KCNQ5: variants seen among roughly 807,000 people sequenced by gnomAD.
KCNQ5 encodes the protein potassium voltage-gated channel subfamily KQT member 5.
Under a neutral mutation model 98.2 loss-of-function variants are expected in KCNQ5, and 30 were observed. The ratio of observed to expected loss-of-function variants is 0.31; its 90% CI spans 0.23 to 0.41. The LOEUF (loss-of-function observed/expected upper bound fraction) is 0.41. Ranked by LOEUF, KCNQ5 falls within the 10% of genes least tolerant of loss-of-function variation. The pLI is 1.00. For synonymous variants in KCNQ5, 458 were observed against 449.4 expected (o/e 1.02, Z -0.24); for missense variants, 835 against 1,182.5 (o/e 0.71, Z 4.31).
intron 1 of KCNQ5, among the ~76,000 whole-genome samples, chr6:72,765,881 G>T (rs1358872180): frequency 6.6e-6 from 1 of 152,024 alleles, no homozygotes; most frequent in Admixed American, 6.6e-5. Context: ...AAGAGACCTA[G>T]TGGCTTCAAC....
intron 2 of KCNQ5, among the ~76,000 whole-genome samples, chr6:73,026,049 T>TAA (rs1740184485): frequency 6.6e-6 from 1 of 152,210 alleles, no homozygotes; most frequent in Non-Finnish European, 1.5e-5. Context: ...TAGACACACT[T>TAA]ATGAGTCTTG....
intron 10 of KCNQ5, among the ~76,000 whole-genome samples, chr6:73,164,202 G>C (rs1361054398): frequency 1.3e-5 from 2 of 152,022 alleles, no homozygotes; most frequent in Non-Finnish European, 2.9e-5. Context: ...CAATTTCCAA[G>C]AACCTACCGA....
intron 10 of KCNQ5, among the ~76,000 whole-genome samples, chr6:73,168,711 C>T (rs558704342): frequency 7.1e-6 from 1 of 141,262 alleles, no homozygotes; most frequent in Non-Finnish European, 1.5e-5. Flanking sequence ...GACTTTTTCT[C>T]AAAAAAAAAA....
At chr6:72,632,144 T>TC (rs1250255682) in intron 1 of KCNQ5, among the ~76,000 whole-genome samples, 1 of 148,536 alleles carries the variant, frequency 6.7e-6, no homozygotes, top group African/African-American at 2.5e-5. Context: ...CTTTCTTTTT[T>TC]TTTTTTTTTT....
intron 1 of KCNQ5, among the ~76,000 whole-genome samples, chr6:72,652,807 T>A (rs1326502166): frequency 2.0e-5 from 3 of 152,066 alleles, no homozygotes; most frequent in Admixed American, 6.6e-5. Flanking sequence ...TGAGTTCAAT[T>A]CAGCCTCACA....
chr6:72,876,635 A>G (rs976421544), intron 1 of KCNQ5, among the ~76,000 whole-genome samples: 1 of 152,226 alleles, frequency 6.6e-6, no homozygotes, highest in African/African-American at 2.4e-5. Context: ...ACAAGTTAAA[A>G]TTAACAAAAA....
At chr6:73,152,820 T>A (rs770383379) in intron 10 of KCNQ5, among the ~76,000 whole-genome samples, 18 of 152,168 alleles carry the variant, frequency 1.2e-4, no homozygotes, top group Non-Finnish European at 2.5e-4. Flanking sequence ...CTGATCAGAT[T>A]CCCCAGAGAG....
chr6:72,865,451 G>A (rs539763215), intron 1 of KCNQ5, among the ~76,000 whole-genome samples: 9 of 152,068 alleles, frequency 5.9e-5, no homozygotes, highest in Middle Eastern at 3.4e-3. Context: ...ACAGAATATC[G>A]AACCTATCTC....
chr6:73,059,672 A>G (rs1213725082), intron 3 of KCNQ5, among the ~76,000 whole-genome samples: 2 of 152,098 alleles, frequency 1.3e-5, no homozygotes, highest in African/African-American at 4.8e-5. Context: ...CATAGAAATC[A>G]TGTTTCTGCT....
In KCNQ5 at chr6:73,068,037, T is replaced by C. The variant is rs548007935; in HGVS notation, c.617-9285T>C. Among the ~76,000 whole-genome samples the C allele has an allele frequency of 1.2e-4, 19 of 152,322 alleles. No individual in the cohort carries two copies. The East Asian group carries it at 3.5e-3, about 28-fold the overall frequency. ...CTGGCCAGGTGCAATGACTCACACC[T>C]GTAATCCCAGCACTTTGGGAGGCCA... On this transcript the variant is annotated intron_variant, in intron 3 of 13. Coordinates refer to ENST00000370398, the MANE Select transcript of KCNQ5 (RefSeq NM_019842.4).
At chr6:72,721,458 T>C (rs931527657) in intron 1 of KCNQ5, among the ~76,000 whole-genome samples, 1 of 151,642 alleles carries the variant, frequency 6.6e-6, no homozygotes, top group Non-Finnish European at 1.5e-5. Context: ...GGGGAAAGAG[T>C]GAATGTAGAT....
intron 1 of KCNQ5, among the ~76,000 whole-genome samples, chr6:72,938,414 C>G (rs1285185803): frequency 6.6e-6 from 1 of 152,170 alleles, no homozygotes; most frequent in Non-Finnish European, 1.5e-5. Context: ...GAGTCTCGCT[C>G]TGTCACCCAG....
At chr6:72,788,013 T>TA (rs747344650) in intron 1 of KCNQ5, among the ~76,000 whole-genome samples, 11 of 152,234 alleles carry the variant, frequency 7.2e-5, no homozygotes, top group Admixed American at 1.3e-4. Context: ...TTAGACAACT[T>TA]ACATTCCAAT....
intron 1 of KCNQ5, among the ~76,000 whole-genome samples, chr6:72,645,955 T>C (rs760230182): frequency 2.0e-5 from 3 of 152,018 alleles, no homozygotes; most frequent in Non-Finnish European, 4.4e-5. Flanking sequence ...GATTTCCACT[T>C]CCCCCCAGGT....
chr6:73,115,353 A>G (rs1264406578), intron 7 of KCNQ5, among the ~76,000 whole-genome samples: 1 of 152,202 alleles, frequency 6.6e-6, no homozygotes, highest in Non-Finnish European at 1.5e-5. Context: ...AAGTGCAGGG[A>G]AACTAAGAGG....
rs1395713265 is a variant in KCNQ5 at position 73,120,540 on chromosome 6, C to A, written c.1183C>A (p.Pro395Thr). The change falls in exon 8 of 14, where the codon CCA (proline) becomes ACA (threonine). Residue 395 changes from proline to threonine, a missense_variant. Coordinates refer to ENST00000370398, the MANE Select transcript of KCNQ5 (RefSeq NM_019842.4). ...ATCTGTTTCCATTGCAACCTGGAAG[C>A]CACACTTGAAGGCCTTGCACACCTG... is the stretch of plus-strand genomic sequence containing the variant. Reference protein sequence around the residue: ...EKSVSIATWKPHLKALHTCSP... With the variant: ...EKSVSIATWKTHLKALHTCSP... 6.2e-7 allele frequency: 1 copy of A among 1,611,732 alleles called. No homozygotes were observed. Among genetic ancestry groups the A allele is most frequent in the Non-Finnish European group, 8.5e-7 (1 of 1,178,556 alleles).
intron 1 of KCNQ5, among the ~76,000 whole-genome samples, chr6:72,840,417 CA>C (rs1283143574): frequency 1.3e-5 from 2 of 152,162 alleles, no homozygotes; most frequent in Non-Finnish European, 2.9e-5. Context: ...AATTTATACA[CA>C]AAACTTGGAG....
chr6:72,641,453 G>A (rs1020280504), intron 1 of KCNQ5, among the ~76,000 whole-genome samples: 2 of 152,062 alleles, frequency 1.3e-5, no homozygotes, highest in African/African-American at 4.8e-5. Flanking sequence ...TGTTAAACAG[G>A]CCTACCACTC....
intron 10 of KCNQ5, among the ~76,000 whole-genome samples, chr6:73,142,894 C>T (rs960725409): frequency 2.0e-5 from 3 of 151,982 alleles, no homozygotes; most frequent in Non-Finnish European, 2.9e-5. Context: ...CCAGCCTGGG[C>T]GACAAGAGCA....
Sources: allele counts gnomAD v4.1 joint callset (sites outside exome capture counted in the v4.1 genomes callset), GRCh38; gene constraint gnomAD v4.1.1; transcripts MANE v1.5; gene names NCBI Gene and HGNC (gene_info 2026-07-23, HGNC 2026-07-21).